Variants in DHX36 observed in about 807,000 individuals in gnomAD.
DHX36 encodes DEAH-box helicase 36.
DHX36 carries 50 observed loss-of-function variants against 139.0 expected under a neutral mutation model. That is an observed-to-expected ratio of 0.36 (90% CI 0.29 to 0.46). The LOEUF (loss-of-function observed/expected upper bound fraction) is 0.46, where lower values mean the gene tolerates loss of function less well. DHX36 is among the 20% of genes least tolerant of loss of function. DHX36 has a pLI of 1.00. For synonymous variants in DHX36, 425 were observed against 401.9 expected (o/e 1.06, Z -0.69); for missense variants, 1,024 against 1,211.3 (o/e 0.85, Z 2.29).
At chr3:154,290,905 C>T (rs1483186718) in intron 15 of DHX36, among the ~76,000 whole-genome samples, 8 of 151,056 alleles carry the variant, frequency 5.3e-5, no homozygotes, top group African/African-American at 9.7e-5. Flanking sequence ...GAGGCCGAGG[C>T]GGGCGGATCA....
intron 3 of DHX36, 169 bp downstream of exon 3, chr3:154,314,877 T>C: frequency 1.7e-6 from 1 of 580,952 alleles, no homozygotes; most frequent in South Asian, 2.2e-5. Context: ...TATGTGTAAC[T>C]TCCATTCCCA....
chr3:154,274,984 A>G lies in DHX36; in HGVS notation c.*1187T>C, dbSNP rs1719104080. ...TAAAATAAAAAGTGTAATATAATAG[A>G]TTGTTAGACATTTACGAAAATATTT... On this transcript the variant is annotated 3_prime_UTR_variant, in exon 25 of 25. Coordinates refer to ENST00000496811, the MANE Select transcript of DHX36 (RefSeq NM_020865.3). 1 of 152,244 alleles carries G rather than the reference A, an allele frequency of 6.6e-6. No homozygotes were observed. Among genetic ancestry groups the G allele is most frequent in the Non-Finnish European group, 1.5e-5 (1 of 68,040 alleles). The allele number at this position is 152,244 out of a possible 1,614,324, so 9.4% of individuals were successfully genotyped here.
At chr3:154,276,965 CAAT>C in intron 23 of DHX36, 66 bp from the exon 24 acceptor site, 4 of 1,328,122 alleles carry the variant, frequency 3.0e-6, no homozygotes, top group African/African-American at 1.5e-5. Context: ...ATAAATTCAA[CAAT>C]ATTACCAGTA....
chr3:154,280,466 A>G (rs768396791), intron 22 of DHX36, 113 bp downstream of exon 22: 8 of 742,420 alleles, frequency 1.1e-5, no homozygotes, highest in Non-Finnish European at 1.3e-5. Flanking sequence ...GAACAAGAAT[A>G]TAACCCACAT....
chr3:154,278,461 G>C (rs1042795676), intron 22 of DHX36: 2 of 151,330 alleles, frequency 1.3e-5, no homozygotes, highest in South Asian at 4.2e-4. Flanking sequence ...TTGTTTTTAC[G>C]AGTGTCTCTT....
chr3:154,286,294 AT>A (rs2108338076), intron 17 of DHX36, among the ~76,000 whole-genome samples: 1 of 151,308 alleles, frequency 6.6e-6, no homozygotes, highest in East Asian at 1.9e-4. Flanking sequence ...TCAACATTGT[AT>A]TAAGGGTCCC....
chr3:154,314,997 A>G (rs1161509790), intron 3 of DHX36, 49 bp downstream of exon 3: 5 of 1,320,894 alleles, frequency 3.8e-6, no homozygotes, highest in Non-Finnish European at 4.2e-6. Flanking sequence ...ACATTTTTAT[A>G]AAGTGTAAGA....
chr3:154,322,470 TAAC>T (rs1262058367), intron 1 of DHX36, among the ~76,000 whole-genome samples: 5 of 152,228 alleles, frequency 3.3e-5, no homozygotes, highest in African/African-American at 1.2e-4. Flanking sequence ...TGATCTATGG[TAAC>T]TATTCTGGAG....
intron 13 of DHX36, among the ~76,000 whole-genome samples, chr3:154,295,042 T>C (rs1422753942): frequency 6.6e-6 from 1 of 152,216 alleles, no homozygotes; most frequent in Non-Finnish European, 1.5e-5. Flanking sequence ...AAACCAATTC[T>C]TTAAACTTTT....
chr3:154,300,341 T>G (rs1712219406), intron 11 of DHX36, among the ~76,000 whole-genome samples: 1 of 152,220 alleles, frequency 6.6e-6, no homozygotes, highest in Non-Finnish European at 1.5e-5. Context: ...GTGCTGGGAT[T>G]ACAGGCATGA....
chr3:154,312,855 ATATAT>A (rs1712816531), intron 3 of DHX36, among the ~76,000 whole-genome samples: 2 of 4,692 alleles, frequency 4.3e-4, no homozygotes, highest in Non-Finnish European at 9.7e-4. Context: ...TAATTAAAAT[ATATAT>A]ATATATATAT....
intron 9 of DHX36, 134 bp from the exon 10 acceptor site, chr3:154,301,261 T>C: frequency 2.4e-6 from 2 of 820,188 alleles, no homozygotes; most frequent in Non-Finnish European, 3.7e-6. Flanking sequence ...AAGTGAATGC[T>C]AGCTAAAATA....
At chr3:154,277,906 A>T (rs1225528606) in intron 22 of DHX36, 188 bp from the exon 23 acceptor site, 13 of 435,222 alleles carry the variant, frequency 3.0e-5, no homozygotes, top group Middle Eastern at 6.4e-4. Flanking sequence ...AGGACAGAGC[A>T]TAATTTCCTT....
chr3:154,297,133 G>A (rs1172410661), intron 12 of DHX36, among the ~76,000 whole-genome samples: 1 of 152,176 alleles, frequency 6.6e-6, no homozygotes, highest in African/African-American at 2.4e-5. Context: ...GTGGAGGGGA[G>A]CAATGTTCTA....
chr3:154,304,331 G>A (rs1712418560), intron 8 of DHX36, among the ~76,000 whole-genome samples: 1 of 152,070 alleles, frequency 6.6e-6, no homozygotes, highest in Non-Finnish European at 1.5e-5. Context: ...ACTGCTCTGA[G>A]GCTGCTTTCT....
chr3:154,286,205 CTT>C (rs1051521663), intron 17 of DHX36, among the ~76,000 whole-genome samples: 1 of 121,822 alleles, frequency 8.2e-6, no homozygotes, highest in African/African-American at 3.2e-5. Context: ...CCAACAAACA[CTT>C]TACTCTCAAT....
At chr3:154,303,070 C>CT (rs992203406) in intron 9 of DHX36, among the ~76,000 whole-genome samples, 1 of 152,078 alleles carries the variant, frequency 6.6e-6, no homozygotes, top group Non-Finnish European at 1.5e-5. Flanking sequence ...GAGAGAGACT[C>CT]TGTCTCAATT....
At chr3:154,293,492 G>A (rs1463795127) in intron 14 of DHX36, among the ~76,000 whole-genome samples, 1 of 152,188 alleles carries the variant, frequency 6.6e-6, no homozygotes, top group Non-Finnish European at 1.5e-5. Flanking sequence ...TGAGGTGGAA[G>A]GCTCACTTGA....
intron 12 of DHX36, among the ~76,000 whole-genome samples, chr3:154,297,914 A>G (rs759000456): frequency 4.7e-4 from 72 of 152,320 alleles, no homozygotes; most frequent in South Asian, 1.0e-3. Context: ...GAAAAAAACA[A>G]GAAATTGATA....
Sources: gnomAD v4.1 joint callset for allele counts (sites outside exome capture counted in the v4.1 genomes callset) on GRCh38, gnomAD v4.1.1 for gene constraint, MANE v1.5 for transcripts, NCBI Gene and HGNC (gene_info 2026-07-23, HGNC 2026-07-21) for gene names.